Variants in PACC1 observed in about 807,000 individuals in gnomAD.
PACC1 encodes the protein proton activated chloride channel 1.
A neutral mutation model predicts 39.7 loss-of-function variants in PACC1; 34 were observed. That is an observed-to-expected ratio of 0.86 (90% CI 0.65 to 1.14). The LOEUF (loss-of-function observed/expected upper bound fraction) is 1.14. Among genes scored for constraint, PACC1 ranks in the 50% most tolerant of loss-of-function variants. The pLI is 0.00. For synonymous variants in PACC1, 127 were observed against 160.6 expected (o/e 0.79, Z 1.58); for missense variants, 379 against 436.4 (o/e 0.87, Z 1.17).
At chr1:212,404,077 C>T (rs149155931) in intron 2 of PACC1, among the ~76,000 whole-genome samples, 26 of 152,164 alleles carry the variant, frequency 1.7e-4, no homozygotes, top group African/African-American at 6.3e-4. Flanking sequence ...CTTTACTCCT[C>T]TTACTGTCCT....
intron 1 of PACC1, among the ~76,000 whole-genome samples, chr1:212,412,455 C>T (rs1184949759): frequency 6.6e-6 from 1 of 152,178 alleles, no homozygotes; most frequent in African/African-American, 2.4e-5. Context: ...GGAAAAATCC[C>T]CCCTCAGCAA....
intron 4 of PACC1, among the ~76,000 whole-genome samples, chr1:212,381,694 TGCACAC>T (rs1660892453): frequency 1.3e-5 from 1 of 78,578 alleles, no homozygotes; most frequent in Non-Finnish European, 2.8e-5. Flanking sequence ...ACACACACAC[TGCACAC>T]ACACACACAC....
chr1:212,379,161 T>A (rs1307715404), intron 5 of PACC1, among the ~76,000 whole-genome samples: 1 of 152,106 alleles, frequency 6.6e-6, no homozygotes, highest in Non-Finnish European at 1.5e-5. Context: ...GCCAGGATGG[T>A]CTCGATCTCC....
intron 2 of PACC1, among the ~76,000 whole-genome samples, chr1:212,409,880 G>C (rs781220044): frequency 6.6e-6 from 1 of 152,204 alleles, no homozygotes; most frequent in Non-Finnish European, 1.5e-5. Context: ...CCAAGAGCTG[G>C]AGAGTGACCG....
chr1:212,411,642 T>C (rs1034102375), intron 1 of PACC1, among the ~76,000 whole-genome samples: 14 of 152,118 alleles, frequency 9.2e-5, no homozygotes, highest in Admixed American at 2.6e-4. Context: ...GGGGACAGCT[T>C]TCCCAAGCAC....
intron 4 of PACC1, among the ~76,000 whole-genome samples, chr1:212,384,174 T>G (rs758257807): frequency 1.5e-4 from 23 of 152,212 alleles, no homozygotes; most frequent in Non-Finnish European, 1.2e-4. Flanking sequence ...AAATGTCTGG[T>G]CCACTGGTGA....
rs1178488189 is a variant in PACC1 at position 212,364,898 on chromosome 1, T to C, written c.*317A>G. The C allele has an allele frequency of 5.9e-6, 1 of 169,938 alleles. No homozygotes were observed. The highest frequency in any genetic ancestry group is 1.2e-5 in the Non-Finnish European group (1 of 80,376). The allele number at this position is 169,938 out of a possible 1,614,324, so 10.5% of individuals were successfully genotyped here. ...ATTACCCTAGTAGAGCTTAACCTAATACAATACAATGAACCAAACAGGAAG... is the reference window on the plus strand; with the variant it reads ...ATTACCCTAGTAGAGCTTAACCTAACACAATACAATGAACCAAACAGGAAG... On this transcript the variant is annotated 3_prime_UTR_variant, in exon 8 of 8. Coordinates refer to ENST00000261455, the MANE Select transcript of PACC1 (RefSeq NM_018252.3).
chr1:212,401,382 T>C (rs1420768337), intron 2 of PACC1, among the ~76,000 whole-genome samples: 1 of 152,034 alleles, frequency 6.6e-6, no homozygotes, highest in Non-Finnish European at 1.5e-5. Flanking sequence ...TCCCAACACT[T>C]TGGGACTCTG....
At chr1:212,389,472 T>C (rs539986014) in intron 2 of PACC1, among the ~76,000 whole-genome samples, 1 of 152,266 alleles carries the variant, frequency 6.6e-6, no homozygotes, top group South Asian at 2.1e-4. Flanking sequence ...CTGAAGATCA[T>C]AACAGAATCC....
At chr1:212,380,727 C>T (rs1403588254) in intron 4 of PACC1, among the ~76,000 whole-genome samples, 3 of 152,168 alleles carry the variant, frequency 2.0e-5, no homozygotes, top group African/African-American at 7.2e-5. Flanking sequence ...ATTTGTCTGT[C>T]TCTGTCCAGT....
At chr1:212,382,648 T>C (rs1660947145) in intron 4 of PACC1, among the ~76,000 whole-genome samples, 2 of 152,224 alleles carry the variant, frequency 1.3e-5, no homozygotes, top group Non-Finnish European at 2.9e-5. Context: ...TACACATTTC[T>C]GAAATCTCAC....
intron 1 of PACC1, 84 bp downstream of exon 1, chr1:212,414,638 C>T: frequency 2.0e-6 from 3 of 1,531,376 alleles, no homozygotes; most frequent in Non-Finnish European, 1.8e-6. Flanking sequence ...GCAGCCCCGA[C>T]ACCCCCCGCC....
chr1:212,380,807 C>T (rs1660849739), intron 4 of PACC1, among the ~76,000 whole-genome samples: 1 of 152,214 alleles, frequency 6.6e-6, no homozygotes, highest in Admixed American at 6.5e-5. Flanking sequence ...CCCTACTACT[C>T]TTCCCCATCC....
At chr1:212,414,066 C>G (rs1482699054) in intron 1 of PACC1, 1 of 1,534,222 alleles carries the variant, frequency 6.5e-7, no homozygotes, top group Non-Finnish European at 8.7e-7. Context: ...TTGAAGGAAG[C>G]GCTGGACGCA....
intron 1 of PACC1, among the ~76,000 whole-genome samples, chr1:212,413,034 T>C (rs932647107): frequency 1.3e-5 from 2 of 152,204 alleles, no homozygotes; most frequent in Non-Finnish European, 2.9e-5. Flanking sequence ...GCTTTCTGAC[T>C]TTTATCCACT....
chr1:212,405,868 G>A (rs79413766), intron 2 of PACC1, among the ~76,000 whole-genome samples: 1,551 of 152,238 alleles, frequency 0.01, 34 homozygotes, highest in African/African-American at 0.035. Flanking sequence ...TAGGCTCAGA[G>A]CAATGGCTTG....
chr1:212,403,540 C>T (rs1303561851), intron 2 of PACC1, among the ~76,000 whole-genome samples: 2 of 152,170 alleles, frequency 1.3e-5, no homozygotes, highest in Non-Finnish European at 2.9e-5. Context: ...TCGACTTCAA[C>T]TGACCGTATG....
intron 1 of PACC1, among the ~76,000 whole-genome samples, chr1:212,411,621 TGGGA>T (rs1210123221): frequency 2.0e-5 from 3 of 152,112 alleles, no homozygotes; most frequent in Non-Finnish European, 4.4e-5. Flanking sequence ...ATCCCTGAAT[TGGGA>T]GGGAGAGGGG....
chr1:212,414,596 C>A, intron 1 of PACC1, 126 bp downstream of exon 1: 1 of 1,223,996 alleles, frequency 8.2e-7, no homozygotes, highest in African/African-American at 1.5e-5. Flanking sequence ...CCCTGACGCA[C>A]CCGTCGGTCC....
Sources: allele counts gnomAD v4.1 joint callset (sites outside exome capture counted in the v4.1 genomes callset), GRCh38; gene constraint gnomAD v4.1.1; transcripts MANE v1.5; gene names NCBI Gene and HGNC (gene_info 2026-07-23, HGNC 2026-07-21).